Variants in MTRR observed in about 807,000 individuals in gnomAD.
The protein encoded by MTRR is methionine synthase reductase.
In MTRR, 63 loss-of-function variants were observed where a neutral mutation model predicts 79.2. The ratio of observed to expected loss-of-function variants is 0.80; its 90% confidence interval spans 0.65 to 0.98. MTRR has a LOEUF of 0.98. Ranked by LOEUF, MTRR falls within the 50% of genes least tolerant of loss-of-function variation. The probability of loss-of-function intolerance (pLI) is 0.00; values close to 1 mark genes in which losing one functional copy is unlikely to be tolerated. For missense variants in MTRR, 895 were observed against 839.6 expected (o/e 1.07, Z -0.82); for synonymous variants, 355 against 313.3 (o/e 1.13, Z -1.41).
intron 6 of MTRR, among the ~76,000 whole-genome samples, chr5:7,883,687 C>G (rs1561214723): frequency 1.3e-5 from 2 of 152,116 alleles, no homozygotes; most frequent in African/African-American, 2.4e-5. Context: ...ATTTTTTTCT[C>G]TCTTCTATTT....
intron 1 of MTRR, among the ~76,000 whole-genome samples, chr5:7,854,357 AT>A: frequency 6.7e-6 from 1 of 148,346 alleles, no homozygotes; most frequent in African/African-American, 2.6e-5. Flanking sequence ...AAAGATATAT[AT>A]TATATATATT....
At chr5:7,862,925 C>A (rs778897941) in intron 2 of MTRR, 1 of 1,613,918 alleles carries the variant, frequency 6.2e-7, no homozygotes, top group African/African-American at 1.3e-5. Context: ...AGCTGAGAAT[C>A]CACAGGGGTC....
chr5:7,884,853 T>C (rs1736155999), intron 6 of MTRR, among the ~76,000 whole-genome samples: 1 of 152,236 alleles, frequency 6.6e-6, no homozygotes. Flanking sequence ...GCTGTTGGTG[T>C]AGATTTAATC....
chr5:7,867,681 G>C (rs747401284), upstream of MTRR: 4 of 1,614,036 alleles, frequency 2.5e-6, no homozygotes, highest in Admixed American at 3.3e-5. Context: ...CAAATTCGTT[G>C]TAAAGCTCCT....
At chr5:7,869,365 G>A in intron 1 of MTRR, 150 bp downstream of exon 1, 1 of 816,264 alleles carries the variant, frequency 1.2e-6, no homozygotes, top group Non-Finnish European at 1.9e-6. Context: ...GCGGGCGCGG[G>A]CTGGGGCTCG....
chr5:7,878,562 C>T (rs897173842), intron 5 of MTRR, among the ~76,000 whole-genome samples: 2 of 152,274 alleles, frequency 1.3e-5, no homozygotes, highest in South Asian at 2.1e-4. Context: ...CCACAGGGGC[C>T]TGCAATGCCT....
chr5:7,892,979 G>T, intron 11 of MTRR, 66 bp downstream of exon 11: 7 of 1,512,090 alleles, frequency 4.6e-6, no homozygotes, highest in Non-Finnish European at 6.3e-6. Context: ...AGAAAAAACA[G>T]TGTTGTCTCA....
In MTRR at chr5:7,889,343, A is replaced by G. The variant is rs1364116384; in HGVS notation, c.1327+68A>G. The G allele has an allele frequency of 2.2e-5, 34 of 1,578,204 alleles. 1 individual carries two copies. In the South Asian group the frequency reaches 3.0e-4, roughly 14 times the overall value. ...ACTGGTAGGCGGGCCACCTTTCTGT[A>G]GTAAAGAAAATTTGCTGCTCTTGTC... On this transcript the variant is annotated intron_variant, in intron 9 of 14. Transcript: ENST00000440940.
At chr5:7,863,068 C>T in intron 2 of MTRR, 1 of 1,385,352 alleles carries the variant, frequency 7.2e-7, no homozygotes, top group Non-Finnish European at 1.0e-6. Context: ...TTGAAGGTTA[C>T]CTAGGTAGAA....
chr5:7,892,991 C>T (rs915493393), intron 11 of MTRR, 78 bp downstream of exon 11: 4 of 1,456,004 alleles, frequency 2.7e-6, no homozygotes, highest in Non-Finnish European at 3.8e-6. Flanking sequence ...GTTGTCTCAC[C>T]CACATCATTC....
chr5:7,868,315 C>T (rs1439244085), upstream of MTRR: 1 of 473,832 alleles, frequency 2.1e-6, no homozygotes, highest in Non-Finnish European at 3.7e-6. Flanking sequence ...ATCGCTATTA[C>T]TTGCTAAACA....
intron 8 of MTRR, among the ~76,000 whole-genome samples, chr5:7,888,105 T>C (rs162041): frequency 0.22 from 33,801 of 151,848 alleles, 4,931 homozygotes; most frequent in African/African-American, 0.39. Context: ...GAGTCATTTT[T>C]GCTTTTTCAC....
intron 9 of MTRR, among the ~76,000 whole-genome samples, chr5:7,891,052 T>G (rs1179377296): frequency 1.3e-5 from 2 of 151,926 alleles, no homozygotes; most frequent in Non-Finnish European, 2.9e-5. Context: ...TAGTAAGGGT[T>G]TGCTGAGCTC....
In MTRR at chr5:7,900,220, TC is replaced by T. The variant is rs1424658016; in HGVS notation, c.*164del. 1.9e-5 allele frequency: 15 copies of T among 803,986 alleles called. No individual in the cohort carries two copies. The highest frequency in any genetic ancestry group is 2.9e-5 in the Non-Finnish European group (15 of 518,132). The allele number at this position is 803,986 out of a possible 1,614,324, so 49.8% of individuals were successfully genotyped here. A position where few individuals can be genotyped will look rare whatever the true frequency, so the allele number is the denominator to read the frequency against. ...GATCATTTAACAATATAACAAAACT[TC>T]CTGATTTGATTTTACGTATCTTCTA... is the stretch of plus-strand genomic sequence containing the variant. On this transcript the variant is annotated 3_prime_UTR_variant, in exon 15 of 15. Transcript: ENST00000440940.
At position 7,900,225 on chromosome 5, in the gene MTRR, A is replaced by G. The variant is rs115253331; in HGVS notation, c.*167A>G. The G allele has an allele frequency of 0.013, 10,618 of 787,866 alleles. 107 individuals are homozygous for G. Among genetic ancestry groups the G allele is most frequent in the Non-Finnish European group, 0.018 (9,159 of 505,976 alleles). 48.8% of individuals were successfully genotyped at this position (787,866 alleles called of 1,614,324 possible). On this transcript the variant is annotated 3_prime_UTR_variant, in exon 15 of 15. Coordinates refer to ENST00000440940, the MANE Select transcript of MTRR (RefSeq NM_002454.3). ...TTTAACAATATAACAAAACTTCCTG[A>G]TTTGATTTTACGTATCTTCTATCTA...
intron 6 of MTRR, 74 bp from the exon 7 acceptor site, chr5:7,885,627 T>A (rs1423888210): frequency 1.4e-6 from 2 of 1,402,806 alleles, no homozygotes; most frequent in Non-Finnish European, 2.0e-6. Context: ...AAAACTATAT[T>A]TTTGTTACCC....
chr5:7,873,132 T>TC (rs886929719), intron 2 of MTRR, among the ~76,000 whole-genome samples: 2 of 151,984 alleles, frequency 1.3e-5, no homozygotes, highest in East Asian at 1.9e-4. Flanking sequence ...GACGTGTTAA[T>TC]CCCCCCCAAC....
At position 7,900,096 on chromosome 5, in the gene MTRR, C is replaced by T. The variant is rs1319202233; in HGVS notation, c.*38C>T. ...AAGAAAGAGGATTAAGCTTTTTTGA[C>T]TGAAAGTACTAAAAGTCAGCTTTAC... On this transcript the variant is annotated 3_prime_UTR_variant, in exon 15 of 15. Transcript: ENST00000440940. 5.6e-6 allele frequency: 9 copies of T among 1,608,692 alleles called. No homozygotes were observed. Among genetic ancestry groups the T allele is most frequent in the African/African-American group, 1.3e-5 (1 of 74,450 alleles).
intron 12 of MTRR, chr5:7,896,462 G>A (rs162053): frequency 2.7e-4 from 65 of 240,496 alleles, no homozygotes; most frequent in African/African-American, 1.4e-3. Context: ...AGATGTCTCT[G>A]TCTCATCAGT....
Sources: allele counts gnomAD v4.1 joint callset (sites outside exome capture counted in the v4.1 genomes callset), GRCh38; gene constraint gnomAD v4.1.1; transcripts MANE v1.5; gene names NCBI Gene and HGNC (gene_info 2026-07-23, HGNC 2026-07-21).